The following CACNA1E variants were observed in gnomAD, a reference collection of about 807,000 sequenced individuals.
The protein encoded by CACNA1E is calcium voltage-gated channel subunit alpha1 E, also known as voltage-dependent R-type calcium channel subunit alpha-1E.
A neutral mutation model predicts 259.2 loss-of-function variants in CACNA1E; 40 were observed. The ratio of observed to expected loss-of-function variants is 0.15; its 90% confidence interval spans 0.12 to 0.20. The LOEUF (loss-of-function observed/expected upper bound fraction) is 0.20. Among genes scored for constraint, CACNA1E ranks in the 10% least tolerant of loss-of-function variants. The pLI, the probability that CACNA1E is intolerant of heterozygous loss-of-function variation, is 1.00. For missense variants in CACNA1E, 1,874 were observed against 3,040.1 expected (o/e 0.62, Z 9.02); for synonymous variants, 1,104 against 1,138.5 (o/e 0.97, Z 0.61).
chr1:181,619,504 G>T (rs898479190), intron 6 of CACNA1E, among the ~76,000 whole-genome samples: 3 of 152,136 alleles, frequency 2.0e-5, no homozygotes, highest in African/African-American at 7.2e-5. Flanking sequence ...GGAAGCCTTT[G>T]GAGAGCTTCA....
intron 3 of CACNA1E, among the ~76,000 whole-genome samples, chr1:181,562,311 C>A (rs1649406538): frequency 1.3e-5 from 2 of 152,144 alleles, no homozygotes; most frequent in Non-Finnish European, 2.9e-5. Flanking sequence ...CACTGTCCTA[C>A]TGGTGGCAGT....
chr1:181,470,375 C>A (rs1662427273), intron 2 of CACNA1E, among the ~76,000 whole-genome samples: 1 of 151,902 alleles, frequency 6.6e-6, no homozygotes, highest in Non-Finnish European at 1.5e-5. Context: ...ATTTTTATTT[C>A]TTGTAGAGGC....
chr1:181,470,507 C>A (rs1472362812), intron 2 of CACNA1E, among the ~76,000 whole-genome samples: 1 of 152,172 alleles, frequency 6.6e-6, no homozygotes, highest in Non-Finnish European at 1.5e-5. Context: ...CAGGCGTGAA[C>A]TGCCACATCT....
intron 1 of CACNA1E, among the ~76,000 whole-genome samples, chr1:181,331,920 A>G (rs144090079): frequency 2.1e-4 from 32 of 152,230 alleles, no homozygotes; most frequent in Middle Eastern, 3.4e-3. Context: ...TGGGTTCTCT[A>G]TTCTGTTCCA....
intron 7 of CACNA1E, among the ~76,000 whole-genome samples, chr1:181,703,313 C>A (rs1652461503): frequency 6.6e-6 from 1 of 152,124 alleles, no homozygotes; most frequent in South Asian, 2.1e-4. Context: ...CTCACAACAA[C>A]CTTTTGAGAT....
At chr1:181,352,303 C>T (rs556248142) in intron 1 of CACNA1E, among the ~76,000 whole-genome samples, 18 of 152,180 alleles carry the variant, frequency 1.2e-4, no homozygotes, top group African/African-American at 4.3e-4. Flanking sequence ...GAAATGACGG[C>T]ATCCAAGTGA....
At chr1:181,645,080 A>G (rs1658142711) in intron 6 of CACNA1E, among the ~76,000 whole-genome samples, 1 of 152,164 alleles carries the variant, frequency 6.6e-6, no homozygotes, top group Non-Finnish European at 1.5e-5. Flanking sequence ...ACAGCCGCGC[A>G]GGGAGGAAGG....
At chr1:181,664,752 G>A (rs140094277) in intron 7 of CACNA1E, among the ~76,000 whole-genome samples, 36 of 152,156 alleles carry the variant, frequency 2.4e-4, no homozygotes, top group East Asian at 1.2e-3. Flanking sequence ...GAGGTATGGC[G>A]GGGGTGGAGA....
At chr1:181,520,696 AT>A (rs1269349707) in intron 3 of CACNA1E, among the ~76,000 whole-genome samples, 1 of 152,354 alleles carries the variant, frequency 6.6e-6, no homozygotes, top group Admixed American at 6.5e-5. Context: ...AGCATATCTA[AT>A]TTTATCAAAA....
chr1:181,701,224 A>T, intron 7 of CACNA1E, among the ~76,000 whole-genome samples: 1 of 152,226 alleles, frequency 6.6e-6, no homozygotes, highest in East Asian at 1.9e-4. Flanking sequence ...TTCCTTGAAC[A>T]CAGCTGCACC....
intron 2 of CACNA1E, among the ~76,000 whole-genome samples, chr1:181,434,227 G>C (rs1243258912): frequency 6.6e-6 from 1 of 152,096 alleles, no homozygotes; most frequent in East Asian, 1.9e-4. Context: ...AAATGAGAGA[G>C]ACATATAAAG....
intron 1 of CACNA1E, among the ~76,000 whole-genome samples, chr1:181,489,279 G>A (rs534063583): frequency 4.6e-4 from 70 of 152,122 alleles, no homozygotes; most frequent in Non-Finnish European, 7.1e-4. Flanking sequence ...CTTTCTGCCC[G>A]TCTTTTCATC....
rs552008676 is a variant in CACNA1E, at chr1:181,669,975, C to T, written c.1055+18534C>T. On this transcript the variant is annotated intron_variant, in intron 7 of 47. Coordinates refer to ENST00000367573, the MANE Select transcript of CACNA1E (RefSeq NM_001205293.3). ...GCCTTTTGAATGGTTTTCCCTCTCC[C>T]CATGATAATTTATCTCCTACATTCA... 3.3e-5 allele frequency among the ~76,000 whole-genome samples: 5 copies of T among 152,246 alleles called. No homozygotes were observed. In the East Asian group the frequency reaches 7.7e-4, roughly 23 times the overall value.
chr1:181,474,183 TA>T (rs1259075469), intron 2 of CACNA1E, among the ~76,000 whole-genome samples: 1 of 152,246 alleles, frequency 6.6e-6, no homozygotes, highest in Non-Finnish European at 1.5e-5. Flanking sequence ...ATTATTCTAT[TA>T]ATACTTGACT....
chr1:181,457,155 C>G (rs1285156017), intron 2 of CACNA1E, among the ~76,000 whole-genome samples: 1 of 152,188 alleles, frequency 6.6e-6, no homozygotes, highest in African/African-American at 2.4e-5. Flanking sequence ...TGGCAAGGGC[C>G]CTCTGCCTGA....
intron 35 of CACNA1E, among the ~76,000 whole-genome samples, chr1:181,767,492 C>T (rs749392892): frequency 1.3e-5 from 2 of 152,232 alleles, no homozygotes; most frequent in Non-Finnish European, 2.9e-5. Flanking sequence ...GTCAGGCAGT[C>T]TGGCTGCCTT....
intron 1 of CACNA1E, among the ~76,000 whole-genome samples, chr1:181,355,289 A>C (rs553776281): frequency 6.6e-6 from 1 of 152,348 alleles, no homozygotes; most frequent in Admixed American, 6.5e-5. Context: ...TAAGGGTTGC[A>C]TTAGACAATG....
intron 1 of CACNA1E, among the ~76,000 whole-genome samples, chr1:181,340,748 C>A (rs1652083964): frequency 6.6e-6 from 1 of 152,086 alleles, no homozygotes; most frequent in Non-Finnish European, 1.5e-5. Context: ...CCCTCCTGGC[C>A]TAGGATGTTA....
At chr1:181,634,819 T>C (rs890768696) in intron 6 of CACNA1E, among the ~76,000 whole-genome samples, 1 of 152,212 alleles carries the variant, frequency 6.6e-6, no homozygotes, top group Non-Finnish European at 1.5e-5. Flanking sequence ...ACTCCAGGTA[T>C]GTCCCCTCAC....
Sources: gnomAD v4.1 joint callset for allele counts (sites outside exome capture counted in the v4.1 genomes callset) on GRCh38, gnomAD v4.1.1 for gene constraint, MANE v1.5 for transcripts, NCBI Gene and HGNC (gene_info 2026-07-23, HGNC 2026-07-21) for gene names.